Variants in HERC2 observed in about 807,000 individuals in gnomAD.
The protein encoded by HERC2 is HECT and RLD domain containing E3 ubiquitin protein ligase 2.
A neutral mutation model predicts 537.7 loss-of-function variants in HERC2; 102 were observed. The ratio of observed to expected loss-of-function variants is 0.19; its 90% CI spans 0.16 to 0.22. HERC2 has a LOEUF of 0.22. Ranked by LOEUF, HERC2 falls within the 10% of genes least tolerant of loss-of-function variation. The pLI, the probability that HERC2 is intolerant of heterozygous loss-of-function variation, is 1.00. For missense variants in HERC2, 4,236 were observed against 6,198.2 expected, an observed-to-expected ratio of 0.68 and a Z score of 10.63; for synonymous variants, 2,224 against 2,466.2, an observed-to-expected ratio of 0.90 and a Z score of 2.91.
At chr15:28,279,596 C>T (rs926388663) in intron 5 of HERC2, among the ~76,000 whole-genome samples, 1 of 148,920 alleles carries the variant, frequency 6.7e-6, no homozygotes, top group African/African-American at 2.5e-5. Flanking sequence ...TACTTGAGGC[C>T]AGGAGCAAGA....
chr15:28,233,074 G>A, intron 30 of HERC2, 72 bp downstream of exon 30: 2 of 1,193,286 alleles, frequency 1.7e-6, no homozygotes, highest in South Asian at 2.7e-5. Context: ...ACTTCACTCT[G>A]AAATCACAGA....
chr15:28,308,391 G>C (rs1487979558), intron 2 of HERC2, among the ~76,000 whole-genome samples: 1 of 152,150 alleles, frequency 6.6e-6, no homozygotes, highest in East Asian at 1.9e-4. Context: ...ACTGATTTTT[G>C]TATGTTGATT....
In HERC2 at chr15:28,129,778, TCC is replaced by T. The variant is rs1463837535; in HGVS notation, c.12802+383_12802+384del. ...TCAGGACACAGTATAAGCCTCTGCC[TCC>T]TTTTTTTTTTTTTTTTTGAGACAGT... On this transcript the variant is annotated intron_variant, in intron 83 of 92. Transcript: ENST00000261609. Among the ~76,000 whole-genome samples, 7 of 79,298 alleles carry T rather than the reference TCC, an allele frequency of 8.8e-5. No individual in the cohort carries two copies. The Admixed American group carries it at 9.9e-4, about 11-fold the overall frequency. 52.0% of individuals were successfully genotyped at this position (79,298 alleles called of 152,430 possible).
intron 20 of HERC2, among the ~76,000 whole-genome samples, chr15:28,249,396 G>C (rs1187193316): frequency 2.0e-5 from 3 of 152,194 alleles, no homozygotes; most frequent in African/African-American, 7.2e-5. Flanking sequence ...ACTGTGATGT[G>C]ACTTGAGCCA....
intron 81 of HERC2, among the ~76,000 whole-genome samples, chr15:28,131,382 G>C (rs1890089105): frequency 1.3e-5 from 2 of 152,214 alleles, no homozygotes; most frequent in Admixed American, 6.5e-5. Flanking sequence ...ACAGCCCCAC[G>C]AGAGAGGAGG....
At chr15:28,291,627 CA>C (rs1257073940) in intron 4 of HERC2, among the ~76,000 whole-genome samples, 5 of 150,502 alleles carry the variant, frequency 3.3e-5, no homozygotes, top group African/African-American at 7.3e-5. Flanking sequence ...TTGAATTACA[CA>C]AAAAAAAGTA....
In HERC2 at chr15:28,192,159, G is replaced by A. The variant is rs546536987; in HGVS notation, c.8261-8C>T. On this transcript the variant is annotated splice_polypyrimidine_tract_variant and splice_region_variant and intron_variant, in intron 52 of 92. Transcript: ENST00000261609. ...AAAATACCGCAGACTGACCTATTTC[G>A]TGATAGTCAAAAAGAGAATTAACCC... 20 of 1,605,858 alleles carry A rather than the reference G, an allele frequency of 1.2e-5. No individual in the cohort carries two copies. The highest frequency in any genetic ancestry group is 1.7e-4 in the Middle Eastern group (1 of 6,030).
At chr15:28,166,499 C>A (rs1030534600) in intron 68 of HERC2, among the ~76,000 whole-genome samples, 1 of 152,152 alleles carries the variant, frequency 6.6e-6, no homozygotes, top group Admixed American at 6.5e-5. Context: ...TAACAATTAG[C>A]TTACCAAGCA....
intron 20 of HERC2, among the ~76,000 whole-genome samples, chr15:28,249,219 C>T (rs944332507): frequency 1.3e-5 from 2 of 152,232 alleles, no homozygotes; most frequent in African/African-American, 4.8e-5. Flanking sequence ...GACTCGCCTG[C>T]ATTGCCACAT....
At position 28,265,591 on chromosome 15, in the gene HERC2, G is replaced by C; in HGVS notation, c.1870+27C>G. 1 of 1,591,220 alleles carries C rather than the reference G, an allele frequency of 6.3e-7. No homozygotes were observed. The highest frequency in any genetic ancestry group is 1.1e-5 in the South Asian group (1 of 90,544). ...CTGCCATGCGTGTCCTCGTGGGCCT[G>C]TCCAGGGTGGCGAGAGCTCTACGTA... On this transcript the variant is annotated intron_variant, in intron 14 of 92. Coordinates refer to ENST00000261609, the MANE Select transcript of HERC2 (RefSeq NM_004667.6). The surrounding 1 kb of genome is among the most constrained non-coding windows in gnomAD (Gnocchi z 4.0).
At chr15:28,210,668 A>G (rs1313846565) in intron 44 of HERC2, among the ~76,000 whole-genome samples, 1 of 151,848 alleles carries the variant, frequency 6.6e-6, no homozygotes, top group Non-Finnish European at 1.5e-5. Context: ...GTTACAATAC[A>G]GGCTCTATTT....
At position 28,198,614 on chromosome 15, in the gene HERC2, A is replaced by G; in HGVS notation, c.7872T>C (p.His2624=). 1 of 1,613,328 alleles carries G rather than the reference A, an allele frequency of 6.2e-7. No individual in the cohort carries two copies. The highest frequency in any genetic ancestry group is 8.5e-7 in the Non-Finnish European group (1 of 1,179,552). Residue 2624 remains histidine, a synonymous_variant, in exon 49 of 93, where the codon CAT becomes CAC. Coordinates refer to ENST00000261609, the MANE Select transcript of HERC2 (RefSeq NM_004667.6). ...KGGTYWVRYI[H]VELIGYPPPS... Reference sequence around the variant, plus strand: ...GAATGTGCTCACCTATAAGTTCCACATGAATGTACCTAACCCAGTAGGTGC... The same window carrying G: ...GAATGTGCTCACCTATAAGTTCCACGTGAATGTACCTAACCCAGTAGGTGC...
intron 55 of HERC2, 76 bp from the exon 56 acceptor site, chr15:28,186,828 G>A (rs1403429514): frequency 9.5e-7 from 1 of 1,053,084 alleles, no homozygotes; most frequent in Non-Finnish European, 1.4e-6. Context: ...AACGGGATGT[G>A]TGAGACACGA....
chr15:28,302,818 G>A (rs2076671578), intron 2 of HERC2, among the ~76,000 whole-genome samples: 1 of 151,590 alleles, frequency 6.6e-6, no homozygotes, highest in Admixed American at 6.6e-5. Context: ...TTTGAGAAAT[G>A]TCTATTCAAA....
intron 2 of HERC2, among the ~76,000 whole-genome samples, chr15:28,303,779 T>G (rs2428643): frequency 6.6e-6 from 1 of 152,208 alleles, no homozygotes; most frequent in Non-Finnish European, 1.5e-5. Flanking sequence ...CTTGGGTTAG[T>G]TTTATTCCTA....
intron 35 of HERC2, among the ~76,000 whole-genome samples, chr15:28,226,500 T>A (rs1040433059): frequency 6.6e-6 from 1 of 151,996 alleles, no homozygotes; most frequent in Non-Finnish European, 1.5e-5. Flanking sequence ...TACCCAGAAC[T>A]TCAGGGAAAG....
Position 28,268,473 on chromosome 15 carries a change from C to T in HERC2, c.1590G>A (p.Gly530=). Residue 530 remains glycine (G), a synonymous_variant, in exon 12 of 93, where the codon GGG becomes GGA. Coordinates refer to ENST00000261609, the MANE Select transcript of HERC2 (RefSeq NM_004667.6). This position sits in a 1 kb window ranked among gnomAD's most constrained non-coding sequence, Gnocchi z 4.7. ...GCGDGGRLGH[G]DTVPLEEPKV... is the part of the protein sequence containing the mutation. ...GAATAAGCGATACATACACAGTGTC[C>T]CCATGGCCCAGCCGTCCGCCGTCCC... The T allele has an allele frequency of 6.2e-7, 1 of 1,613,758 alleles. No homozygotes were observed. The highest frequency in any genetic ancestry group is 8.5e-7 in the Non-Finnish European group (1 of 1,179,786).
chr15:28,121,151 A>G (rs975911767), intron 86 of HERC2, among the ~76,000 whole-genome samples, 195 bp downstream of exon 86: 1 of 152,206 alleles, frequency 6.6e-6, no homozygotes, highest in Non-Finnish European at 1.5e-5. Context: ...ACTTCTGTAT[A>G]AAGAAACACA....
At chr15:28,183,176 CT>C (rs1328364624) in intron 56 of HERC2, among the ~76,000 whole-genome samples, 2 of 152,158 alleles carry the variant, frequency 1.3e-5, no homozygotes, top group African/African-American at 2.4e-5. Flanking sequence ...GCTCATCTAT[CT>C]CCTGACCTGC....
Sources: gnomAD v4.1 joint callset for allele counts (sites outside exome capture counted in the v4.1 genomes callset) on GRCh38, gnomAD v4.1.1 for gene constraint, Gnocchi (gnomAD v3.1) non-coding constraint, MANE v1.5 for transcripts, NCBI Gene and HGNC (gene_info 2026-07-23, HGNC 2026-07-21) for gene names.